Variants in TACC2 observed in about 807,000 individuals in gnomAD.
TACC2 encodes transforming acidic coiled-coil-containing protein 2.
Under a neutral mutation model 227.3 loss-of-function variants are expected in TACC2, and 137 were observed. That is an observed-to-expected ratio of 0.60 (90% CI 0.52 to 0.69). The LOEUF is 0.69. Ranked by LOEUF, TACC2 falls within the 30% of genes least tolerant of loss-of-function variation. TACC2 has a pLI of 0.00. For synonymous variants in TACC2, 1,523 were observed against 1,487.5 expected, an observed-to-expected ratio of 1.02 and a Z score of -0.55; for missense variants, 3,470 against 3,694.4, an observed-to-expected ratio of 0.94 and a Z score of 1.57.
Position 122,064,035 on chromosome 10 carries a change from G to A in TACC2, c.146+13485G>A, listed in dbSNP as rs540675167. Among the ~76,000 whole-genome samples the A allele has an allele frequency of 5.4e-4, 82 of 152,114 alleles. 1 individual carries two copies. The highest frequency in any genetic ancestry group is 3.4e-3 in the Middle Eastern group (1 of 294). On this transcript the variant is annotated intron_variant, in intron 3 of 22. Transcript: ENST00000369005. ...AAATTAGCCGGGCGCGGTGGTGTAT[G>A]CCTGTGGTCCCAGCTACTTGGGAGG... is the stretch of plus-strand genomic sequence containing the variant.
At chr10:122,134,291 C>T (rs1246968082) in intron 6 of TACC2, among the ~76,000 whole-genome samples, 2 of 152,078 alleles carry the variant, frequency 1.3e-5, no homozygotes, top group African/African-American at 4.8e-5. Flanking sequence ...CCTGCCTCAG[C>T]CTCCCGAGAA....
chr10:122,096,468 T>G (rs1214915623), intron 5 of TACC2, among the ~76,000 whole-genome samples: 1 of 151,970 alleles, frequency 6.6e-6, no homozygotes, highest in Non-Finnish European at 1.5e-5. Flanking sequence ...AGGCCGAGGC[T>G]GGTGGATCAT....
At chr10:122,091,330 T>C (rs2080794268) in intron 5 of TACC2, among the ~76,000 whole-genome samples, 1 of 152,196 alleles carries the variant, frequency 6.6e-6, no homozygotes, top group African/African-American at 2.4e-5. Context: ...ATTTTGGATC[T>C]ATTGGGTTAA....
chr10:121,995,758 CTT>C (rs79988202), intron 1 of TACC2, among the ~76,000 whole-genome samples: 1 of 151,226 alleles, frequency 6.6e-6, no homozygotes, highest in Non-Finnish European at 1.5e-5. Flanking sequence ...AGGATCTTTT[CTT>C]TTTTTTTGTT....
intron 13 of TACC2, among the ~76,000 whole-genome samples, chr10:122,227,182 G>A (rs149908636): frequency 7.6e-4 from 116 of 152,298 alleles, no homozygotes; most frequent in South Asian, 3.3e-3. Context: ...CACACCTCAA[G>A]TGCCTGGTAA....
chr10:122,142,365 T>A (rs1340328226), intron 6 of TACC2, among the ~76,000 whole-genome samples: 1 of 152,204 alleles, frequency 6.6e-6, no homozygotes, highest in Non-Finnish European at 1.5e-5. Flanking sequence ...GCCCCTGTCC[T>A]CGTGGAGCTC....
At chr10:122,142,719 G>T (rs2090798826) in intron 6 of TACC2, among the ~76,000 whole-genome samples, 1 of 152,218 alleles carries the variant, frequency 6.6e-6, no homozygotes, top group African/African-American at 2.4e-5. Flanking sequence ...CGTCTGTGCT[G>T]AGTCTTGTAT....
intron 3 of TACC2, among the ~76,000 whole-genome samples, chr10:122,054,285 ATGACCATCCCTG>A (rs2076007532): frequency 6.6e-6 from 1 of 152,184 alleles, no homozygotes; most frequent in Non-Finnish European, 1.5e-5. Flanking sequence ...TGCCTCCCTG[ATGACCATCCCTG>A]CACAGGCCCC....
intron 1 of TACC2, among the ~76,000 whole-genome samples, chr10:122,000,802 G>GT (rs201110308): frequency 0.017 from 2,627 of 151,948 alleles, 72 homozygotes; most frequent in African/African-American, 0.058. Context: ...TTTGTTTTCT[G>GT]TTTTTTGTTG....
At chr10:122,042,136 G>A (rs1214379019) in intron 2 of TACC2, among the ~76,000 whole-genome samples, 7 of 151,964 alleles carry the variant, frequency 4.6e-5, no homozygotes, top group African/African-American at 1.2e-4. Flanking sequence ...TAGTAGAGAC[G>A]GGGTTTCACC....
intron 1 of TACC2, among the ~76,000 whole-genome samples, chr10:122,006,367 T>C (rs1057461531): frequency 1.3e-5 from 2 of 152,082 alleles, no homozygotes; most frequent in African/African-American, 4.8e-5. Flanking sequence ...GAGAATGGTG[T>C]GAACCTGGGA....
chr10:122,041,977 G>A (rs1473230002), intron 2 of TACC2, among the ~76,000 whole-genome samples: 2 of 152,154 alleles, frequency 1.3e-5, no homozygotes, highest in Non-Finnish European at 2.9e-5. Flanking sequence ...ACGGAGTCTC[G>A]CTCTGTCACC....
intron 7 of TACC2, among the ~76,000 whole-genome samples, chr10:122,154,116 A>G (rs1015176421): frequency 1.3e-5 from 2 of 152,194 alleles, no homozygotes; most frequent in African/African-American, 4.8e-5. Context: ...AGCTGGAAAC[A>G]GTTTGGATGT....
intron 1 of TACC2, among the ~76,000 whole-genome samples, chr10:122,003,830 G>A (rs983845779): frequency 4.0e-5 from 6 of 151,674 alleles, no homozygotes; most frequent in African/African-American, 1.5e-4. Flanking sequence ...TAATTTTTTT[G>A]TATTTTTAGT....
At chr10:122,027,134 T>C (rs1468894019) in intron 2 of TACC2, among the ~76,000 whole-genome samples, 2 of 152,196 alleles carry the variant, frequency 1.3e-5, no homozygotes, top group African/African-American at 2.4e-5. Flanking sequence ...GTGTCAGTAT[T>C]CTGGATTTTG....
chr10:122,012,352 G>A (rs570671757), intron 1 of TACC2, among the ~76,000 whole-genome samples: 12 of 147,276 alleles, frequency 8.1e-5, no homozygotes, highest in African/African-American at 1.8e-4. Context: ...CCCAGGAGGC[G>A]GGGGTTGCAG....
chr10:122,237,887 C>G (rs2095890307), intron 17 of TACC2, 74 bp from the exon 18 acceptor site: 1 of 1,113,764 alleles, frequency 9.0e-7, no homozygotes, highest in African/African-American at 1.5e-5. Context: ...GTCTCCTTTT[C>G]TTGATCTATG....
intron 7 of TACC2, 21 bp downstream of exon 7, chr10:122,143,727 C>T: frequency 1.9e-6 from 3 of 1,609,908 alleles, no homozygotes; most frequent in Non-Finnish European, 2.5e-6. Flanking sequence ...AGTCCCCCTC[C>T]ACAGCACCTG....
At chr10:121,990,745 T>C (rs1345475497) in intron 1 of TACC2, among the ~76,000 whole-genome samples, 1 of 152,148 alleles carries the variant, frequency 6.6e-6, no homozygotes, top group African/African-American at 2.4e-5. Flanking sequence ...TTTGCCACAT[T>C]ATTACATTAT....
Sources: gnomAD v4.1 joint callset for allele counts (sites outside exome capture counted in the v4.1 genomes callset) on GRCh38, gnomAD v4.1.1 for gene constraint, MANE v1.5 for transcripts, NCBI Gene and HGNC (gene_info 2026-07-23, HGNC 2026-07-21) for gene names.